The following FMN1 variants were observed in gnomAD, a reference collection of about 807,000 sequenced individuals.
The protein encoded by FMN1 is formin-1.
In FMN1, 110 loss-of-function variants were observed where a neutral mutation model predicts 132.4. That is an observed-to-expected ratio of 0.83 (90% CI 0.71 to 0.97). FMN1 has a LOEUF of 0.97. Ranked by LOEUF, FMN1 falls within the 50% of genes least tolerant of loss-of-function variation. FMN1 has a pLI of 0.00. For missense variants in FMN1, 1,792 were observed against 1,705.3 expected (o/e 1.05, Z -0.90); for synonymous variants, 722 against 651.7 (o/e 1.11, Z -1.64).
intron 6 of FMN1, among the ~76,000 whole-genome samples, chr15:33,022,188 AT>A (rs1240581123): frequency 1.3e-5 from 2 of 152,172 alleles, no homozygotes; most frequent in Non-Finnish European, 2.9e-5. Context: ...TATCTTTTTT[AT>A]TTGTATGATG....
intron 16 of FMN1, among the ~76,000 whole-genome samples, chr15:32,874,728 GATCT>G (rs1419869618): frequency 5.3e-5 from 8 of 152,196 alleles, no homozygotes; most frequent in African/African-American, 1.9e-4. Context: ...TAAAGGACTT[GATCT>G]TTCAGTGAGT....
At chr15:32,989,776 T>C (rs1343343228) in intron 7 of FMN1, among the ~76,000 whole-genome samples, 2 of 152,150 alleles carry the variant, frequency 1.3e-5, no homozygotes, top group African/African-American at 4.8e-5. Context: ...AGTGAGTATA[T>C]ATGAAACCAC....
chr15:32,979,406 A>C (rs1455870580), intron 7 of FMN1, among the ~76,000 whole-genome samples: 1 of 151,938 alleles, frequency 6.6e-6, no homozygotes, highest in Non-Finnish European at 1.5e-5. Context: ...AATACAAAAA[A>C]TTAGCCGGGC....
At chr15:33,029,036 A>G (rs2035811044) in intron 6 of FMN1, among the ~76,000 whole-genome samples, 1 of 152,216 alleles carries the variant, frequency 6.6e-6, no homozygotes, top group Non-Finnish European at 1.5e-5. Flanking sequence ...GTCAGAAGTA[A>G]TATCTATCTG....
chr15:32,943,437 G>C (rs1157178771), intron 9 of FMN1, among the ~76,000 whole-genome samples: 1 of 152,210 alleles, frequency 6.6e-6, no homozygotes, highest in Non-Finnish European at 1.5e-5. Flanking sequence ...TGGACATTAA[G>C]AGGCTGGTTG....
chr15:33,186,485 T>C (rs907547065), intron 2 of FMN1, among the ~76,000 whole-genome samples: 1 of 139,166 alleles, frequency 7.2e-6, no homozygotes, highest in African/African-American at 2.5e-5. Context: ...TTTTAAATGT[T>C]CCTCAAAAAA....
At chr15:33,114,453 A>T (rs955978677) in intron 4 of FMN1, among the ~76,000 whole-genome samples, 1 of 152,250 alleles carries the variant, frequency 6.6e-6, no homozygotes, top group Non-Finnish European at 1.5e-5. Context: ...TTGAACATGG[A>T]ATGTGTGGCC....
chr15:32,810,724 G>A (rs925131282), intron 17 of FMN1, among the ~76,000 whole-genome samples: 4 of 152,122 alleles, frequency 2.6e-5, no homozygotes, highest in Non-Finnish European at 4.4e-5. Flanking sequence ...TATGCCAAAC[G>A]CAATTAAGTC....
intron 4 of FMN1, among the ~76,000 whole-genome samples, chr15:33,140,109 A>G (rs1485792319): frequency 6.6e-6 from 1 of 152,022 alleles, no homozygotes; most frequent in Non-Finnish European, 1.5e-5. Context: ...GCCACTAAGC[A>G]GCAATATCCC....
chr15:33,011,753 T>C (rs35978285), intron 6 of FMN1, among the ~76,000 whole-genome samples: 25,962 of 151,920 alleles, frequency 0.17, 2,545 homozygotes, highest in African/African-American at 0.25. Flanking sequence ...TACAAAACTA[T>C]AGAAAATGAA....
At chr15:32,873,552 G>A (rs1192916319) in intron 16 of FMN1, among the ~76,000 whole-genome samples, 1 of 152,146 alleles carries the variant, frequency 6.6e-6, no homozygotes, top group East Asian at 1.9e-4. Flanking sequence ...GAGATGATGA[G>A]CTGCTGGAGC....
At chr15:33,073,492 G>A (rs1011326597) in intron 5 of FMN1, among the ~76,000 whole-genome samples, 1 of 152,174 alleles carries the variant, frequency 6.6e-6, no homozygotes, top group East Asian at 1.9e-4. Flanking sequence ...ATAAAGATAT[G>A]GGTAGGTTAA....
intron 4 of FMN1, among the ~76,000 whole-genome samples, chr15:33,095,324 G>C (rs1377027532): frequency 6.6e-6 from 1 of 151,974 alleles, no homozygotes; most frequent in South Asian, 2.1e-4. Context: ...CTCCAGCCTG[G>C]GCAACAGAGT....
chr15:32,909,444 C>T (rs74576567), intron 11 of FMN1, among the ~76,000 whole-genome samples: 6,482 of 152,262 alleles, frequency 0.043, 225 homozygotes, highest in Non-Finnish European at 0.057. Context: ...AGTTCCGACC[C>T]ACTTGTACTA....
intron 10 of FMN1, among the ~76,000 whole-genome samples, chr15:32,919,625 A>G (rs1415745561): frequency 6.6e-6 from 1 of 152,226 alleles, no homozygotes; most frequent in East Asian, 1.9e-4. Flanking sequence ...CTTATATTTT[A>G]GAAAATAGAC....
intron 17 of FMN1, among the ~76,000 whole-genome samples, chr15:32,804,948 G>T (rs1489408794): frequency 6.6e-6 from 1 of 152,064 alleles, no homozygotes; most frequent in African/African-American, 2.4e-5. Context: ...CTTTGCTATT[G>T]TGAATAGTGC....
chr15:32,828,611 G>A (rs1486042053), intron 17 of FMN1, among the ~76,000 whole-genome samples: 2 of 151,974 alleles, frequency 1.3e-5, no homozygotes, highest in Non-Finnish European at 2.9e-5. Context: ...ACTGCACTCT[G>A]CAGAGGATGA....
chr15:33,168,972 G>T (rs115311208), intron 3 of FMN1, among the ~76,000 whole-genome samples: 1,658 of 152,206 alleles, frequency 0.011, 33 homozygotes, highest in African/African-American at 0.035. Flanking sequence ...GAGCTGCTCT[G>T]GGAACTCCCC....
chr15:33,030,713 A>G (rs1037061368), intron 6 of FMN1, among the ~76,000 whole-genome samples: 5 of 152,238 alleles, frequency 3.3e-5, no homozygotes, highest in African/African-American at 4.8e-5. Context: ...TGTTAGTTAT[A>G]ATTGTAAAAT....
Sources: allele counts gnomAD v4.1 joint callset (sites outside exome capture counted in the v4.1 genomes callset), GRCh38; gene constraint gnomAD v4.1.1; transcripts MANE v1.5; gene names NCBI Gene and HGNC (gene_info 2026-07-23, HGNC 2026-07-21).